CSMD1: variants seen among roughly 807,000 people sequenced by gnomAD.
CSMD1 encodes CUB and sushi domain-containing protein 1.
CSMD1 carries 213 observed loss-of-function variants against 417.5 expected under a neutral mutation model. That is an observed-to-expected ratio of 0.51 (90% confidence interval 0.46 to 0.57). The LOEUF (loss-of-function observed/expected upper bound fraction) is 0.57, where lower values mean the gene tolerates loss of function less well. Ranked by LOEUF, CSMD1 falls within the 20% of genes least tolerant of loss-of-function variation. CSMD1 has a pLI of 0.00. For missense variants in CSMD1, 6,923 were observed against 4,529.7 expected, an observed-to-expected ratio of 1.53 and a Z score of -15.17; for synonymous variants, 2,862 against 1,736.8, an observed-to-expected ratio of 1.65 and a Z score of -16.11.
chr8:4,463,014 T>A (rs140625123), intron 2 of CSMD1, among the ~76,000 whole-genome samples: 1 of 152,172 alleles, frequency 6.6e-6, no homozygotes, highest in Non-Finnish European at 1.5e-5. Context: ...AAAAGATCTA[T>A]AGAATAGGGA....
At chr8:3,198,965 A>T (rs561789214) in intron 33 of CSMD1, among the ~76,000 whole-genome samples, 156 of 152,316 alleles carry the variant, frequency 1.0e-3, no homozygotes, top group Admixed American at 1.7e-3. Flanking sequence ...TCTCTGAACA[A>T]GATCATTTCT....
intron 5 of CSMD1, among the ~76,000 whole-genome samples, chr8:3,982,116 C>T (rs1813916848): frequency 6.6e-6 from 1 of 150,822 alleles, no homozygotes; most frequent in Non-Finnish European, 1.5e-5. Flanking sequence ...CGAGATTGCA[C>T]AACTGCACTC....
intron 2 of CSMD1, among the ~76,000 whole-genome samples, chr8:4,468,031 G>C (rs1025121512): frequency 2.0e-5 from 3 of 151,062 alleles, no homozygotes; most frequent in Admixed American, 6.6e-5. Flanking sequence ...CTCTCACATG[G>C]GTTACTCAAC....
chr8:3,037,292 G>A lies in CSMD1; in HGVS notation c.7661-7779C>T, dbSNP rs6997521. 2.8e-3 allele frequency among the ~76,000 whole-genome samples: 274 copies of A among 98,896 alleles called. 2 individuals carry two copies. The highest frequency in any genetic ancestry group is 7.4e-3 in the African/African-American group (234 of 31,510). 64.9% of individuals were successfully genotyped at this position (98,896 alleles called of 152,430 possible). A position where few individuals can be genotyped will look rare whatever the true frequency, so the allele number is the denominator to read the frequency against. Reference sequence around the variant, plus strand: ...GGGATCTCGGCTCACTGCAAGCTCCGCCTCCTGGGTTCACGCCATTCTCCT... The same window carrying A: ...GGGATCTCGGCTCACTGCAAGCTCCACCTCCTGGGTTCACGCCATTCTCCT... On this transcript the variant is annotated intron_variant, in intron 50 of 69. Transcript: ENST00000635120.
At chr8:4,446,659 TTC>T (rs1249083711) in intron 2 of CSMD1, among the ~76,000 whole-genome samples, 14 of 152,156 alleles carry the variant, frequency 9.2e-5, no homozygotes, top group African/African-American at 2.9e-4. Flanking sequence ...ATTTGAGCCA[TTC>T]TCTGTCTCAG....
At chr8:3,863,662 C>G (rs904290489) in intron 5 of CSMD1, among the ~76,000 whole-genome samples, 6 of 152,188 alleles carry the variant, frequency 3.9e-5, no homozygotes, top group Non-Finnish European at 8.8e-5. Flanking sequence ...TTCTAACACA[C>G]ACACACACAT....
chr8:4,282,910 C>T (rs1796865809), intron 3 of CSMD1, among the ~76,000 whole-genome samples: 1 of 152,150 alleles, frequency 6.6e-6, no homozygotes, highest in Non-Finnish European at 1.5e-5. Flanking sequence ...TACCACAGTT[C>T]ATTGCTGTAT....
chr8:4,236,113 C>T (rs994228839), intron 3 of CSMD1, among the ~76,000 whole-genome samples: 2 of 138,084 alleles, frequency 1.4e-5, no homozygotes, highest in Admixed American at 8.4e-5. Flanking sequence ...CAGCACAGGG[C>T]TTCAAACGGT....
At chr8:4,016,297 T>G (rs990713974) in intron 4 of CSMD1, among the ~76,000 whole-genome samples, 1 of 151,984 alleles carries the variant, frequency 6.6e-6, no homozygotes, top group African/African-American at 2.4e-5. Context: ...TAGATGGAAA[T>G]AGAAAATAAA....
intron 16 of CSMD1, among the ~76,000 whole-genome samples, chr8:3,397,563 T>A (rs1172597054): frequency 1.3e-5 from 2 of 152,220 alleles, no homozygotes; most frequent in Non-Finnish European, 2.9e-5. Context: ...CTGCCACATT[T>A]GGGATTGCAT....
intron 1 of CSMD1, among the ~76,000 whole-genome samples, chr8:4,864,639 A>G (rs142859526): frequency 9.2e-5 from 14 of 151,774 alleles, no homozygotes; most frequent in African/African-American, 2.2e-4. Context: ...ATTGTATTCA[A>G]TGAATACACA....
At chr8:3,604,668 G>A (rs10093675) in intron 8 of CSMD1, among the ~76,000 whole-genome samples, 34,078 of 152,046 alleles carry the variant, frequency 0.22, 4,042 homozygotes, top group Admixed American at 0.27. Context: ...AATACAGGAG[G>A]GGAAGAGCTA....
chr8:2,980,315 T>TCGC (rs1554478603), intron 54 of CSMD1, among the ~76,000 whole-genome samples: 1 of 148,868 alleles, frequency 6.7e-6, no homozygotes, highest in Non-Finnish European at 1.5e-5. Context: ...TGCCACCATT[T>TCGC]CTCCTCCTCC....
At chr8:4,188,345 A>C (rs967145643) in intron 3 of CSMD1, among the ~76,000 whole-genome samples, 1 of 152,180 alleles carries the variant, frequency 6.6e-6, no homozygotes, top group African/African-American at 2.4e-5. Flanking sequence ...AAGACAATGC[A>C]AACCGAGGTG....
At chr8:4,291,917 C>A (rs974376298) in intron 3 of CSMD1, among the ~76,000 whole-genome samples, 12 of 152,296 alleles carry the variant, frequency 7.9e-5, no homozygotes, top group East Asian at 1.9e-4. Flanking sequence ...AGGAACAGAA[C>A]CTTCTGCCCT....
chr8:3,203,009 C>G (rs1162486543), intron 31 of CSMD1, among the ~76,000 whole-genome samples: 2 of 152,096 alleles, frequency 1.3e-5, no homozygotes, highest in Admixed American at 6.6e-5. Flanking sequence ...ACCACCTCCC[C>G]AAGTTCATTA....
At chr8:3,589,793 T>C (rs571743916) in intron 8 of CSMD1, among the ~76,000 whole-genome samples, 3 of 152,278 alleles carry the variant, frequency 2.0e-5, no homozygotes, top group Non-Finnish European at 4.4e-5. Context: ...GTAATGGGTA[T>C]GTTAATTAGC....
At chr8:3,101,088 T>C (rs1448993234) in intron 46 of CSMD1, among the ~76,000 whole-genome samples, 1 of 151,540 alleles carries the variant, frequency 6.6e-6, no homozygotes, top group Non-Finnish European at 1.5e-5. Context: ...AAATGAATAT[T>C]CTAAAAACTA....
At chr8:4,524,473 G>GGT (rs1164586476) in intron 2 of CSMD1, among the ~76,000 whole-genome samples, 1 of 152,100 alleles carries the variant, frequency 6.6e-6, no homozygotes, top group Admixed American at 6.6e-5. Flanking sequence ...AGCTGAGTGA[G>GGT]GCCACGTTGG....
Sources: gnomAD v4.1 joint callset for allele counts (sites outside exome capture counted in the v4.1 genomes callset) on GRCh38, gnomAD v4.1.1 for gene constraint, MANE v1.5 for transcripts, NCBI Gene and HGNC (gene_info 2026-07-23, HGNC 2026-07-21) for gene names.